Variants in DENND1A observed in about 807,000 individuals in gnomAD.
The protein encoded by DENND1A is DENN domain containing 1A.
A neutral mutation model predicts 113.7 loss-of-function variants in DENND1A; 51 were observed. That is an observed-to-expected ratio of 0.45 (90% CI 0.36 to 0.57). The LOEUF (loss-of-function observed/expected upper bound fraction) is 0.57. DENND1A is among the 20% of genes least tolerant of loss of function. DENND1A has a pLI of 0.00. For missense variants in DENND1A, 1,258 were observed against 1,395.9 expected (o/e 0.90, Z 1.57); for synonymous variants, 565 against 570.8 (o/e 0.99, Z 0.14).
intron 1 of DENND1A, among the ~76,000 whole-genome samples, chr9:123,929,630 G>A (rs1181791905): frequency 2.6e-5 from 4 of 152,054 alleles, no homozygotes; most frequent in African/African-American, 9.7e-5. Context: ...GGAGGGGGCC[G>A]CCCTGTAATC....
rs2131535242 is a variant in DENND1A, at chr9:123,764,019, G to A, written c.182+5495C>T. On this transcript the variant is annotated intron_variant, in intron 4 of 23. Coordinates refer to ENST00000394215, the MANE Select transcript of DENND1A (RefSeq NM_001352964.2). The surrounding 1 kb of genome is among the most constrained non-coding windows in gnomAD (Gnocchi z 4.1). ...AGCTGTTGGAAATGATTCAGCAGAG[G>A]CAGAGATTTATGATGCAGGACAGAA... 6.6e-6 allele frequency among the ~76,000 whole-genome samples: 1 copy of A among 152,232 alleles called. No homozygotes were observed. The highest frequency in any genetic ancestry group is 1.9e-4 in the East Asian group (1 of 5,164).
At chr9:123,763,672 G>A (rs1412633569) in intron 4 of DENND1A, among the ~76,000 whole-genome samples, 2 of 152,054 alleles carry the variant, frequency 1.3e-5, no homozygotes, top group African/African-American at 2.4e-5. Context: ...CTAATTTATA[G>A]AAACACCAAT....
At chr9:123,694,904 T>C (rs1309314288) in intron 5 of DENND1A, among the ~76,000 whole-genome samples, 2 of 152,198 alleles carry the variant, frequency 1.3e-5, no homozygotes, top group East Asian at 1.9e-4. Flanking sequence ...TGTGAGGGTA[T>C]TGCCAAAAGA....
In DENND1A at chr9:123,464,691, A is replaced by G. The variant is rs988563145; in HGVS notation, c.994-6794T>C. Among the ~76,000 whole-genome samples the G allele has an allele frequency of 6.6e-5, 10 of 152,328 alleles. No individual in the cohort carries two copies. In the South Asian group the frequency reaches 2.1e-3, roughly 32 times the overall value. ...CTTAATGCCACTAAACTGTGCACTT[A>G]AAAATAGTTAAGATGGCAAATTTTA... On this transcript the variant is annotated intron_variant, in intron 13 of 23. Coordinates refer to ENST00000394215, the MANE Select transcript of DENND1A (RefSeq NM_001352964.2).
intron 3 of DENND1A, among the ~76,000 whole-genome samples, chr9:123,792,082 A>C (rs1564279328): frequency 6.6e-6 from 1 of 152,128 alleles, no homozygotes; most frequent in Non-Finnish European, 1.5e-5. Context: ...GCCAACCTTA[A>C]CTCACTATCC....
rs115321421 is a variant in DENND1A, at chr9:123,680,717, G to A, written c.303-3928C>T. 2.3e-3 allele frequency among the ~76,000 whole-genome samples: 349 copies of A among 152,340 alleles called. 1 individual carries two copies. The highest frequency in any genetic ancestry group is 7.9e-3 in the African/African-American group (327 of 41,574). The stretch of plus-strand genomic sequence containing the variant: ...ATGACTGGCCTTGTGTAAGTTCAGC[G>A]TGAATATAAAGGGATTCCACTTCTT... On this transcript the variant is annotated intron_variant, in intron 5 of 23. Transcript: ENST00000394215.
At chr9:123,383,972 G>A (rs576783467) in intron 22 of DENND1A, 59 bp from the exon 23 acceptor site, 223 of 1,564,714 alleles carry the variant, frequency 1.4e-4, no homozygotes, top group Non-Finnish European at 1.7e-4. Flanking sequence ...AGGAGCAAGC[G>A]GACTCCAGCC....
At chr9:123,853,365 T>C (rs891041764) in intron 2 of DENND1A, among the ~76,000 whole-genome samples, 3 of 151,950 alleles carry the variant, frequency 2.0e-5, no homozygotes, top group South Asian at 2.1e-4. Flanking sequence ...TTGAGGAGAC[T>C]GAAATTATGA....
At chr9:123,491,187 G>GC (rs1795895109) in intron 13 of DENND1A, among the ~76,000 whole-genome samples, 1 of 152,200 alleles carries the variant, frequency 6.6e-6, no homozygotes, top group Non-Finnish European at 1.5e-5. Flanking sequence ...TGGCATTTGG[G>GC]CCCTTTTTAG....
chr9:123,746,853 A>T (rs1371897914), intron 5 of DENND1A, among the ~76,000 whole-genome samples: 1 of 152,184 alleles, frequency 6.6e-6, no homozygotes, highest in Non-Finnish European at 1.5e-5. Flanking sequence ...GATAATCAAT[A>T]TTGGCTATAT....
chr9:123,480,608 C>A (rs568658853), intron 13 of DENND1A, among the ~76,000 whole-genome samples: 1 of 152,286 alleles, frequency 6.6e-6, no homozygotes, highest in African/African-American at 2.4e-5. Flanking sequence ...GCCCCCATAG[C>A]CATCCCTCTT....
At chr9:123,906,327 A>G (rs1852826969) in intron 1 of DENND1A, among the ~76,000 whole-genome samples, 1 of 134,854 alleles carries the variant, frequency 7.4e-6, no homozygotes, top group Non-Finnish European at 1.5e-5. Flanking sequence ...CACATTCAAA[A>G]GATAGAAGAA....
chr9:123,557,030 T>C (rs1234386022), intron 13 of DENND1A, among the ~76,000 whole-genome samples: 2 of 152,152 alleles, frequency 1.3e-5, no homozygotes, highest in African/African-American at 4.8e-5. Flanking sequence ...TTGTGGTCAC[T>C]TACACCAAAA....
intron 12 of DENND1A, among the ~76,000 whole-genome samples, chr9:123,582,852 C>T (rs949350497): frequency 1.3e-5 from 2 of 152,174 alleles, no homozygotes; most frequent in Admixed American, 6.5e-5. Context: ...GCATGCACCA[C>T]CATGCCTGGC....
intron 9 of DENND1A, among the ~76,000 whole-genome samples, chr9:123,632,740 C>G (rs1250244850): frequency 6.6e-6 from 1 of 152,126 alleles, no homozygotes; most frequent in Non-Finnish European, 1.5e-5. Context: ...GAATACATCA[C>G]TTAGATAGAG....
chr9:123,552,002 C>T (rs914418459), intron 13 of DENND1A, among the ~76,000 whole-genome samples: 1 of 107,178 alleles, frequency 9.3e-6, no homozygotes, highest in East Asian at 2.4e-4. Flanking sequence ...CGAGAGAGAG[C>T]GAGAGAGAGC....
chr9:123,514,741 A>G (rs374459909), intron 13 of DENND1A, among the ~76,000 whole-genome samples: 8 of 152,328 alleles, frequency 5.3e-5, no homozygotes, highest in African/African-American at 1.9e-4. Flanking sequence ...ACAGAAACAG[A>G]GACATAAAGT....
chr9:123,440,563 A>C, intron 18 of DENND1A, 72 bp from the exon 19 acceptor site: 1 of 1,475,690 alleles, frequency 6.8e-7, no homozygotes, highest in Admixed American at 2.7e-5. Flanking sequence ...CCCCACAACG[A>C]AGAGGCCTGC....
chr9:123,778,722 T>G (rs1047243096), intron 3 of DENND1A, among the ~76,000 whole-genome samples: 1 of 152,160 alleles, frequency 6.6e-6, no homozygotes, highest in Non-Finnish European at 1.5e-5. Flanking sequence ...CCGGGCAGGA[T>G]GTGACCAGCT....
Sources: gnomAD v4.1 joint callset for allele counts (sites outside exome capture counted in the v4.1 genomes callset) on GRCh38, gnomAD v4.1.1 for gene constraint, Gnocchi (gnomAD v3.1) non-coding constraint, MANE v1.5 for transcripts, NCBI Gene and HGNC (gene_info 2026-07-23, HGNC 2026-07-21) for gene names.